Variants in APP observed in about 807,000 individuals in gnomAD.
The protein encoded by APP is amyloid-beta precursor protein.
In APP, 31 loss-of-function variants were observed where a neutral mutation model predicts 101.4. The observed-to-expected ratio is 0.31, with a 90% CI of 0.23 to 0.41. APP has a LOEUF of 0.41. Among genes scored for constraint, APP ranks in the 10% least tolerant of loss-of-function variants. The pLI is 1.00. For synonymous variants in APP, 366 were observed against 364.4 expected (o/e 1.00, Z -0.05); for missense variants, 839 against 1,003.7 (o/e 0.84, Z 2.22).
At position 26,069,250 on chromosome 21, in the gene APP, C is replaced by CTA. The variant is rs551253392; in HGVS notation, c.356-15904_356-15903dup. 2.6e-4 allele frequency among the ~76,000 whole-genome samples: 40 copies of CTA among 152,274 alleles called. No homozygotes were observed. In the East Asian group the frequency reaches 5.4e-3, roughly 21 times the overall value. On this transcript the variant is annotated intron_variant, in intron 3 of 17. Transcript: ENST00000346798. The stretch of plus-strand genomic sequence containing the variant: ...GTCTGTGAATCAGAAGACCATGGGA[C>CTA]TATAACTCTACTCCACTCAAACTCT...
At chr21:26,116,453 C>T (rs1465225673) in intron 1 of APP, among the ~76,000 whole-genome samples, 1 of 152,194 alleles carries the variant, frequency 6.6e-6, no homozygotes, top group Non-Finnish European at 1.5e-5. Context: ...AACCCTACGC[C>T]TACAGTTGCT....
intron 1 of APP, among the ~76,000 whole-genome samples, chr21:26,148,469 C>T (rs1450264103): frequency 6.6e-6 from 1 of 152,134 alleles, no homozygotes; most frequent in East Asian, 1.9e-4. Flanking sequence ...GGGACAAAAC[C>T]CAAGGAAATG....
chr21:26,059,192 A>G lies in APP; in HGVS notation c.356-5844T>C, dbSNP rs1158064385. Among the ~76,000 whole-genome samples, 71 of 152,216 alleles carry G rather than the reference A, an allele frequency of 4.7e-4. 2 individuals carry two copies. Among genetic ancestry groups the G allele is most frequent in the Admixed American group, 4.6e-3 (70 of 15,292 alleles). On this transcript the variant is annotated intron_variant, in intron 3 of 17. Transcript: ENST00000346798. ...AATGTAAAAGATTCTAGAGCCATAC[A>G]CAGGTTCTTCAAGGCACAGATTATT...
chr21:26,085,561 T>C (rs1002466997), intron 3 of APP, among the ~76,000 whole-genome samples: 1 of 152,216 alleles, frequency 6.6e-6, no homozygotes, highest in African/African-American at 2.4e-5. Flanking sequence ...ACAATAAAAA[T>C]GTTTTTCCAT....
intron 8 of APP, 73 bp downstream of exon 8, chr21:25,997,287 T>C (rs2043091282): frequency 7.3e-7 from 1 of 1,373,052 alleles, no homozygotes; most frequent in South Asian, 1.2e-5. Flanking sequence ...AAGAAGGTGA[T>C]GATGCTGGAG....
At chr21:25,974,618 G>A (rs1568791057) in intron 11 of APP, among the ~76,000 whole-genome samples, 1 of 152,238 alleles carries the variant, frequency 6.6e-6, no homozygotes, top group African/African-American at 2.4e-5. Context: ...GTATGCTGAT[G>A]TCTTGATCTT....
intron 3 of APP, 70 bp from the exon 4 acceptor site, chr21:26,053,418 A>G: frequency 8.8e-7 from 1 of 1,132,752 alleles, no homozygotes; most frequent in South Asian, 1.2e-5. Context: ...GAAGACATCA[A>G]GGAAAGATAG....
At chr21:25,927,982 C>G (rs1441730956) in intron 13 of APP, among the ~76,000 whole-genome samples, 1 of 152,136 alleles carries the variant, frequency 6.6e-6, no homozygotes. Context: ...ATGTGCTGAT[C>G]TGATTTCCAA....
At chr21:26,055,991 AAAAC>A (rs2046026106) in intron 3 of APP, among the ~76,000 whole-genome samples, 1 of 152,222 alleles carries the variant, frequency 6.6e-6, no homozygotes, top group African/African-American at 2.4e-5. Flanking sequence ...TAAAGTTACC[AAAAC>A]ATATTTACTT....
chr21:26,122,747 AT>A (rs1184636678), intron 1 of APP, among the ~76,000 whole-genome samples: 17 of 151,346 alleles, frequency 1.1e-4, no homozygotes, highest in African/African-American at 1.9e-4. Flanking sequence ...TTTTAATAAA[AT>A]TTTTTTATTA....
intron 5 of APP, among the ~76,000 whole-genome samples, chr21:26,032,021 G>C (rs530504867): frequency 2.6e-5 from 4 of 152,290 alleles, no homozygotes; most frequent in African/African-American, 9.6e-5. Flanking sequence ...TGTGCTCTGA[G>C]GGCTTGAAGT....
chr21:25,898,185 C>T (rs569565953), intron 15 of APP, among the ~76,000 whole-genome samples: 8 of 152,210 alleles, frequency 5.3e-5, no homozygotes, highest in South Asian at 2.1e-4. Context: ...TGCAGTGAAG[C>T]GTTGTAAAAA....
chr21:25,951,365 G>A (rs2041067648), intron 13 of APP, among the ~76,000 whole-genome samples: 1 of 152,178 alleles, frequency 6.6e-6, no homozygotes, highest in South Asian at 2.1e-4. Context: ...CCCCAGACTG[G>A]TGAAAACCTC....
chr21:26,071,333 C>T (rs556272555), intron 3 of APP, among the ~76,000 whole-genome samples: 3 of 152,068 alleles, frequency 2.0e-5, no homozygotes, highest in Non-Finnish European at 2.9e-5. Flanking sequence ...TCCAAAGTCA[C>T]GTGAAAGCTC....
At chr21:25,889,064 C>CTTGCT (rs1397735778) in intron 17 of APP, among the ~76,000 whole-genome samples, 1 of 152,178 alleles carries the variant, frequency 6.6e-6, no homozygotes, top group Non-Finnish European at 1.5e-5. Context: ...AGGTGGAGGC[C>CTTGCT]TTGCTTTTAT....
At chr21:25,928,913 GGTTTCACCAT>G (rs2040019656) in intron 13 of APP, 1 of 150,020 alleles carries the variant, frequency 6.7e-6, no homozygotes, top group African/African-American at 2.5e-5. Context: ...GTAGAGACAG[GGTTTCACCAT>G]GTTGGCCGGG....
At chr21:26,001,370 G>A (rs1189796305) in intron 6 of APP, among the ~76,000 whole-genome samples, 1 of 152,132 alleles carries the variant, frequency 6.6e-6, no homozygotes, top group East Asian at 1.9e-4. Context: ...CTCTCTCTGG[G>A]TTTGTGCCCT....
At chr21:26,168,727 T>C (rs564163558) in intron 1 of APP, among the ~76,000 whole-genome samples, 1 of 152,324 alleles carries the variant, frequency 6.6e-6, no homozygotes, top group South Asian at 2.1e-4. Flanking sequence ...TGTAAGTAAG[T>C]CATGAGAGAA....
chr21:26,048,280 G>A (rs556919633), intron 5 of APP, among the ~76,000 whole-genome samples: 1 of 152,054 alleles, frequency 6.6e-6, no homozygotes, highest in Admixed American at 6.6e-5. Flanking sequence ...CCGAGATCAC[G>A]CCACTGCACT....
Sources: allele counts gnomAD v4.1 joint callset (sites outside exome capture counted in the v4.1 genomes callset), GRCh38; gene constraint gnomAD v4.1.1; transcripts MANE v1.5; gene names NCBI Gene and HGNC (gene_info 2026-07-23, HGNC 2026-07-21).